The following SORCS1 variants were observed in gnomAD, a reference collection of about 807,000 sequenced individuals.
SORCS1 encodes VPS10 domain-containing receptor SorCS1.
A neutral mutation model predicts 146.1 loss-of-function variants in SORCS1; 60 were observed. The ratio of observed to expected loss-of-function variants is 0.41; its 90% CI spans 0.33 to 0.51. The LOEUF is 0.51. SORCS1 is among the 20% of genes least tolerant of loss of function. SORCS1 has a pLI of 0.21. For missense variants in SORCS1, 1,352 were observed against 1,487.6 expected (o/e 0.91, Z 1.50); for synonymous variants, 637 against 584.0 (o/e 1.09, Z -1.31).
chr10:106,880,684 T>C (rs2137712833), intron 2 of SORCS1, among the ~76,000 whole-genome samples: 2 of 152,142 alleles, frequency 1.3e-5, no homozygotes, highest in East Asian at 3.9e-4. Flanking sequence ...ACAAATAGGC[T>C]AAAAATAACC....
intron 2 of SORCS1, among the ~76,000 whole-genome samples, chr10:106,900,523 T>C (rs57504831): frequency 0.023 from 3,566 of 152,190 alleles, 129 homozygotes; most frequent in African/African-American, 0.08. Context: ...AGAGGTTATA[T>C]AAATACATCC....
chr10:106,930,766 G>A (rs1953377830), intron 2 of SORCS1, among the ~76,000 whole-genome samples: 1 of 152,024 alleles, frequency 6.6e-6, no homozygotes, highest in Non-Finnish European at 1.5e-5. Flanking sequence ...GTCAGATAAG[G>A]CTTCTAGGTG....
At chr10:107,119,932 C>T (rs190384872) in intron 1 of SORCS1, among the ~76,000 whole-genome samples, 3 of 152,208 alleles carry the variant, frequency 2.0e-5, no homozygotes, top group African/African-American at 7.2e-5. Flanking sequence ...ACAGCCAAGA[C>T]TGATCACAGC....
At chr10:106,689,131 T>G (rs934804428) in intron 9 of SORCS1, among the ~76,000 whole-genome samples, 1 of 152,244 alleles carries the variant, frequency 6.6e-6, no homozygotes, top group Non-Finnish European at 1.5e-5. Context: ...CCTAAACAGA[T>G]GCTATTAATT....
chr10:106,604,190 T>C (rs563722104), intron 23 of SORCS1, among the ~76,000 whole-genome samples: 1 of 152,238 alleles, frequency 6.6e-6, no homozygotes, highest in Admixed American at 6.5e-5. Context: ...GGGAAGTAAT[T>C]TGGTGATACT....
chr10:106,708,661 C>G (rs1854715780), intron 7 of SORCS1, among the ~76,000 whole-genome samples: 1 of 152,168 alleles, frequency 6.6e-6, no homozygotes, highest in African/African-American at 2.4e-5. Context: ...CTGAATACAT[C>G]TGCTCTGAAG....
intron 6 of SORCS1, among the ~76,000 whole-genome samples, chr10:106,714,135 CAAAAAA>C (rs56275056): frequency 1.1e-4 from 6 of 53,086 alleles, no homozygotes; most frequent in East Asian, 1.7e-3. Flanking sequence ...AACTCTGCCT[CAAAAAA>C]AAAAAAAAAA....
intron 3 of SORCS1, among the ~76,000 whole-genome samples, chr10:106,788,624 T>C (rs1284338228): frequency 6.6e-6 from 1 of 152,222 alleles, no homozygotes; most frequent in African/African-American, 2.4e-5. Context: ...TTTGACTCTA[T>C]GTCTCACATT....
intron 2 of SORCS1, among the ~76,000 whole-genome samples, chr10:106,888,913 T>G (rs1418028765): frequency 1.3e-5 from 2 of 152,176 alleles, no homozygotes; most frequent in Non-Finnish European, 2.9e-5. Context: ...CTGTAAAATT[T>G]GAAAGTATTT....
chr10:106,577,456 T>C lies in SORCS1; in HGVS notation c.3471A>G (p.Pro1157=), dbSNP rs528517179. 39 of 1,571,530 alleles carry C rather than the reference T, an allele frequency of 2.5e-5. No individual in the cohort carries two copies. In the East Asian group the frequency reaches 9.4e-4, roughly 38 times the overall value. ...RARHATPPST[P]KRGSAGAQYA... ...ACTGTGCCCCAGCAGATCCCCGCTT[T>C]GGCGTTGAAGGCGGAGTGGCGTGTC... Residue 1157 remains proline (P), a synonymous_variant, in exon 26 of 26, where the codon CCA becomes CCG. Coordinates refer to ENST00000263054, the MANE Select transcript of SORCS1 (RefSeq NM_052918.5).
At chr10:107,092,864 C>T (rs574278937) in intron 1 of SORCS1, among the ~76,000 whole-genome samples, 2 of 116,422 alleles carry the variant, frequency 1.7e-5, no homozygotes, top group Admixed American at 1.1e-4. Flanking sequence ...CCCAGGTTCA[C>T]GGGCTAAAAG....
intron 2 of SORCS1, among the ~76,000 whole-genome samples, chr10:106,871,791 T>C (rs1427354504): frequency 1.3e-5 from 2 of 152,136 alleles, no homozygotes; most frequent in Non-Finnish European, 2.9e-5. Context: ...AACAATTGCC[T>C]ACTTGGCTTA....
At chr10:106,748,082 A>T (rs956879709) in intron 5 of SORCS1, among the ~76,000 whole-genome samples, 1 of 152,030 alleles carries the variant, frequency 6.6e-6, no homozygotes, top group African/African-American at 2.4e-5. Context: ...GTATCTTATG[A>T]TTGTTCAAAT....
chr10:106,964,637 C>T (rs985110850), intron 1 of SORCS1, among the ~76,000 whole-genome samples: 7 of 152,052 alleles, frequency 4.6e-5, no homozygotes, highest in Non-Finnish European at 8.8e-5. Flanking sequence ...CAGGTGCGTG[C>T]CACCACACCT....
intron 24 of SORCS1, among the ~76,000 whole-genome samples, chr10:106,583,035 T>C (rs55853066): frequency 0.046 from 6,929 of 152,232 alleles, 243 homozygotes; most frequent in African/African-American, 0.098. Context: ...CTGTCACTTA[T>C]AGACTAAGTG....
At chr10:106,971,193 A>C (rs1207550818) in intron 1 of SORCS1, among the ~76,000 whole-genome samples, 3 of 147,396 alleles carry the variant, frequency 2.0e-5, no homozygotes, top group Non-Finnish European at 4.4e-5. Flanking sequence ...CACTGATCTT[A>C]AAGTTTAAAT....
chr10:106,993,519 C>T (rs1242805931), intron 1 of SORCS1, among the ~76,000 whole-genome samples: 1 of 152,044 alleles, frequency 6.6e-6, no homozygotes, highest in African/African-American at 2.4e-5. Flanking sequence ...TTTTTGACTT[C>T]CAGAAGAGTA....
intron 21 of SORCS1, among the ~76,000 whole-genome samples, chr10:106,614,673 T>A (rs963476075): frequency 1.3e-5 from 2 of 152,192 alleles, no homozygotes; most frequent in African/African-American, 4.8e-5. Context: ...CAAGGGAGAA[T>A]GTTTATCTTA....
chr10:106,835,774 G>A (rs112440571), intron 2 of SORCS1, among the ~76,000 whole-genome samples: 3 of 152,094 alleles, frequency 2.0e-5, no homozygotes, highest in African/African-American at 7.2e-5. Flanking sequence ...GGGAGGCCGA[G>A]GTGGGTGGAT....
Sources: allele counts gnomAD v4.1 joint callset (sites outside exome capture counted in the v4.1 genomes callset), GRCh38; gene constraint gnomAD v4.1.1; transcripts MANE v1.5; gene names NCBI Gene and HGNC (gene_info 2026-07-23, HGNC 2026-07-21).